The following SLC9A9 variants were observed in gnomAD, a reference collection of about 807,000 sequenced individuals.
SLC9A9 encodes solute carrier family 9 member A9.
In SLC9A9, 62 loss-of-function variants were observed where a neutral mutation model predicts 77.8. That is an observed-to-expected ratio of 0.80 (90% confidence interval 0.65 to 0.98). SLC9A9 has a LOEUF of 0.98. SLC9A9 is among the 50% of genes least tolerant of loss of function. The probability of loss-of-function intolerance (pLI) is 0.00; values close to 1 mark genes in which losing one functional copy is unlikely to be tolerated. For missense variants in SLC9A9, 775 were observed against 774.9 expected, an observed-to-expected ratio of 1.00 and a Z score of 0.00; for synonymous variants, 320 against 283.5, an observed-to-expected ratio of 1.13 and a Z score of -1.29.
chr3:143,737,254 T>A (rs137972124), intron 4 of SLC9A9, among the ~76,000 whole-genome samples: 58 of 152,296 alleles, frequency 3.8e-4, no homozygotes, highest in African/African-American at 1.3e-3. Context: ...AAAAATTAGC[T>A]CCTTTAATTG....
chr3:143,563,952 TCTC>T (rs1484249612), intron 8 of SLC9A9, among the ~76,000 whole-genome samples: 1 of 152,128 alleles, frequency 6.6e-6, no homozygotes, highest in Non-Finnish European at 1.5e-5. Context: ...TTGACCTCTA[TCTC>T]CTCAAGAGCT....
intron 8 of SLC9A9, among the ~76,000 whole-genome samples, chr3:143,568,086 A>G (rs2037198662): frequency 6.6e-6 from 1 of 152,172 alleles, no homozygotes; most frequent in South Asian, 2.1e-4. Flanking sequence ...AAAGGAATTT[A>G]TTGGAAGGAA....
intron 14 of SLC9A9, among the ~76,000 whole-genome samples, chr3:143,272,814 G>A (rs1253305273): frequency 6.6e-6 from 1 of 152,112 alleles, no homozygotes; most frequent in East Asian, 1.9e-4. Flanking sequence ...AATGCATTGA[G>A]ACAAAAAATG....
intron 4 of SLC9A9, among the ~76,000 whole-genome samples, chr3:143,699,187 T>G (rs534952258): frequency 1.3e-5 from 2 of 152,312 alleles, no homozygotes; most frequent in African/African-American, 4.8e-5. Flanking sequence ...CATTGACTCA[T>G]TCATTCAACA....
chr3:143,641,297 G>A (rs1181373461), intron 6 of SLC9A9, among the ~76,000 whole-genome samples: 3 of 150,096 alleles, frequency 2.0e-5, no homozygotes, highest in Middle Eastern at 3.5e-3. Flanking sequence ...GTCTGAAATT[G>A]TTAAGGGCTA....
chr3:143,409,317 A>G (rs1194384025), intron 12 of SLC9A9, among the ~76,000 whole-genome samples: 2 of 152,206 alleles, frequency 1.3e-5, no homozygotes, highest in African/African-American at 4.8e-5. Context: ...TTTTTGGGAT[A>G]ATGCACAGAC....
chr3:143,487,513 C>T (rs2035673832), intron 11 of SLC9A9, among the ~76,000 whole-genome samples: 1 of 151,820 alleles, frequency 6.6e-6, no homozygotes, highest in Non-Finnish European at 1.5e-5. Context: ...ATAGATCATA[C>T]ATTAGGGAAC....
intron 12 of SLC9A9, among the ~76,000 whole-genome samples, chr3:143,415,437 G>A (rs1158587512): frequency 6.6e-6 from 1 of 152,190 alleles, no homozygotes; most frequent in Non-Finnish European, 1.5e-5. Flanking sequence ...TTAAGTTGAT[G>A]CTGATGGTCA....
intron 9 of SLC9A9, among the ~76,000 whole-genome samples, chr3:143,546,456 A>AAT (rs2036790974): frequency 6.6e-6 from 1 of 152,246 alleles, no homozygotes; most frequent in South Asian, 2.1e-4. Flanking sequence ...AAAAAATTAA[A>AAT]ATGTACTGAA....
chr3:143,661,603 G>A (rs1414430011), intron 5 of SLC9A9, among the ~76,000 whole-genome samples: 1 of 152,096 alleles, frequency 6.6e-6, no homozygotes. Flanking sequence ...GTGTTGCCCA[G>A]GAAAACATCT....
chr3:143,708,862 A>C (rs915349420), intron 4 of SLC9A9, among the ~76,000 whole-genome samples: 1 of 152,204 alleles, frequency 6.6e-6, no homozygotes, highest in African/African-American at 2.4e-5. Context: ...GATAACAAGC[A>C]TGTGCAAATA....
intron 11 of SLC9A9, among the ~76,000 whole-genome samples, chr3:143,473,492 T>C (rs1402887509): frequency 6.6e-6 from 1 of 152,198 alleles, no homozygotes; most frequent in East Asian, 1.9e-4. Context: ...ACCATTAATT[T>C]CTTGCTTCAG....
chr3:143,804,468 G>A (rs1234244580), intron 2 of SLC9A9, among the ~76,000 whole-genome samples: 2 of 152,218 alleles, frequency 1.3e-5, no homozygotes, highest in South Asian at 2.1e-4. Flanking sequence ...AACCTCTGAT[G>A]GCTGCCGCCC....
chr3:143,419,447 T>A (rs2034257586), intron 12 of SLC9A9, among the ~76,000 whole-genome samples: 1 of 152,202 alleles, frequency 6.6e-6, no homozygotes, highest in South Asian at 2.1e-4. Flanking sequence ...GTAAAACATT[T>A]GTGTTTCTTT....
At chr3:143,832,260 C>T in intron 1 of SLC9A9, 39 bp from the exon 2 acceptor site, 1 of 1,558,574 alleles carries the variant, frequency 6.4e-7, no homozygotes, top group Non-Finnish European at 8.8e-7. Context: ...TGGAGGAAGG[C>T]AATCTAAAAT....
intron 9 of SLC9A9, among the ~76,000 whole-genome samples, chr3:143,500,124 T>G (rs1198410950): frequency 6.6e-6 from 1 of 152,154 alleles, no homozygotes; most frequent in East Asian, 1.9e-4. Flanking sequence ...TTTTTTTTTG[T>G]AGGAAGATTT....
intron 4 of SLC9A9, among the ~76,000 whole-genome samples, chr3:143,777,727 T>TC (rs1383900346): frequency 6.6e-6 from 1 of 151,330 alleles, no homozygotes; most frequent in African/African-American, 2.4e-5. Flanking sequence ...TTTTTTTTTT[T>TC]TTTTTGAGGC....
In SLC9A9 at chr3:143,266,762, G is replaced by A. The variant is rs540168948; in HGVS notation, c.1878C>T (p.Leu626=). 1.1e-5 allele frequency: 17 copies of A among 1,614,158 alleles called. No individual in the cohort carries two copies. The highest frequency in any genetic ancestry group is 1.3e-5 in the African/African-American group (1 of 75,050). ...PGKENIYEGD[L]GLGGYELKLE... Reference sequence around the variant, plus strand: ...GCTTGAGTTCATAGCCTCCCAGGCCGAGGTCTCCCTCATAAATGTTTTCCT... The same window carrying A: ...GCTTGAGTTCATAGCCTCCCAGGCCAAGGTCTCCCTCATAAATGTTTTCCT... Residue 626 remains leucine, a synonymous_variant, in exon 16 of 16, where the codon CTC becomes CTT. Transcript: ENST00000316549.
chr3:143,477,567 G>A (rs969423692), intron 11 of SLC9A9, among the ~76,000 whole-genome samples: 3 of 151,958 alleles, frequency 2.0e-5, no homozygotes, highest in East Asian at 1.9e-4. Flanking sequence ...TTGAATCACC[G>A]CCTGTAGGAG....
Sources: allele counts gnomAD v4.1 joint callset (sites outside exome capture counted in the v4.1 genomes callset), GRCh38; gene constraint gnomAD v4.1.1; transcripts MANE v1.5; gene names NCBI Gene and HGNC (gene_info 2026-07-23, HGNC 2026-07-21).